Variants in NLRC5 observed in about 807,000 individuals in gnomAD.
NLRC5 encodes NLR family CARD domain containing 5, also known as protein NLRC5.
In NLRC5, 114 loss-of-function variants were observed where a neutral mutation model predicts 206.9. The observed-to-expected ratio is 0.55, with a 90% CI of 0.47 to 0.64. The LOEUF (loss-of-function observed/expected upper bound fraction) is 0.64. Among genes scored for constraint, NLRC5 ranks in the 30% least tolerant of loss-of-function variants. The pLI, the probability that NLRC5 is intolerant of heterozygous loss-of-function variation, is 0.00. For missense variants in NLRC5, 2,008 were observed against 2,305.5 expected, an observed-to-expected ratio of 0.87 and a Z score of 2.64; for synonymous variants, 952 against 962.8, an observed-to-expected ratio of 0.99 and a Z score of 0.21.
At chr16:57,037,497 T>G (rs776339228) in intron 15 of NLRC5, among the ~76,000 whole-genome samples, 1 of 152,052 alleles carries the variant, frequency 6.6e-6, no homozygotes, top group African/African-American at 2.4e-5. Flanking sequence ...CCTTGGCTGA[T>G]AAGAACCAGA....
At chr16:57,016,682 T>TG (rs1354077236) in intron 1 of NLRC5, among the ~76,000 whole-genome samples, 1 of 152,204 alleles carries the variant, frequency 6.6e-6, no homozygotes, top group Non-Finnish European at 1.5e-5. Context: ...GGTTTTATAT[T>TG]GGGGGCAAAA....
chr16:57,046,404 T>A, intron 21 of NLRC5, 148 bp from the exon 22 acceptor site: 1 of 627,704 alleles, frequency 1.6e-6, no homozygotes. Flanking sequence ...TGAGATGCCT[T>A]CCAGCCCTGA....
At chr16:56,993,034 T>C (rs1220602963) in intron 1 of NLRC5, among the ~76,000 whole-genome samples, 6 of 151,988 alleles carry the variant, frequency 3.9e-5, no homozygotes, top group African/African-American at 1.5e-4. Context: ...ACCAATGTTA[T>C]CAGGTTCTTG....
intron 17 of NLRC5, 69 bp from the exon 18 acceptor site, chr16:57,041,416 G>A (rs1325544423): frequency 2.3e-6 from 3 of 1,313,002 alleles, no homozygotes; most frequent in Admixed American, 3.6e-5. Flanking sequence ...TGTCTGGGGG[G>A]TGGGAAAGCG....
chr16:57,082,145 G>A (rs951092187), intron 48 of NLRC5, among the ~76,000 whole-genome samples: 2 of 152,242 alleles, frequency 1.3e-5, no homozygotes, highest in African/African-American at 2.4e-5. Flanking sequence ...CTTGAAGAAA[G>A]AGGGTCTTTT....
At position 57,026,130 on chromosome 16, in the gene NLRC5, A is replaced by G; in HGVS notation, c.1187A>G (p.Asn396Ser). 6.2e-7 allele frequency: 1 copy of G among 1,614,070 alleles called. No homozygotes were observed. The highest frequency in any genetic ancestry group is 1.3e-5 in the African/African-American group (1 of 75,050). ...GGGGCCCTGGTGGAGTTACAGACAAATGGACGTCTCCGAAGCCTGTGTGCG... is the reference window on the plus strand; with the variant it reads ...GGGGCCCTGGTGGAGTTACAGACAAGTGGACGTCTCCGAAGCCTGTGTGCG... ...REGALVELQTNGRLRSLCAVP... is the reference protein window; with the variant it reads ...REGALVELQTSGRLRSLCAVP... Residue 396 changes from asparagine (N) to serine (S), a missense_variant, in exon 6 of 49, where the codon AAT becomes AGT. Physicochemically the swap from Asn to Ser is conservative, Grantham distance 46. Coordinates refer to ENST00000688547, the MANE Select transcript of NLRC5 (RefSeq NM_001384950.1).
intron 43 of NLRC5, among the ~76,000 whole-genome samples, chr16:57,078,436 G>A (rs930342504): frequency 1.3e-5 from 2 of 149,376 alleles, no homozygotes; most frequent in Non-Finnish European, 3.0e-5. Flanking sequence ...CCCCATGGCA[G>A]CCCCCAGAGT....
At chr16:57,044,154 A>AG (rs202065021) in intron 20 of NLRC5, among the ~76,000 whole-genome samples, 6,126 of 151,442 alleles carry the variant, frequency 0.04, 135 homozygotes, top group Middle Eastern at 0.088. Flanking sequence ...CCAAAAAAAA[A>AG]AAAAAAAGTA....
intron 19 of NLRC5, among the ~76,000 whole-genome samples, chr16:57,043,219 G>A (rs78053218): frequency 1.3e-5 from 2 of 152,106 alleles, no homozygotes; most frequent in Admixed American, 1.3e-4. Flanking sequence ...AGGAGGCCCA[G>A]CTCCAGCCAG....
intron 47 of NLRC5, 86 bp from the exon 48 acceptor site, chr16:57,081,441 G>A (rs2069130957): frequency 2.3e-6 from 3 of 1,288,596 alleles, no homozygotes. Flanking sequence ...CCCTGACCTT[G>A]GCCTGAGGAA....
intron 1 of NLRC5, among the ~76,000 whole-genome samples, chr16:57,011,016 A>G (rs1434357620): frequency 9.9e-5 from 15 of 152,166 alleles, no homozygotes; most frequent in African/African-American, 3.4e-4. Flanking sequence ...CCCTCCTCAG[A>G]CACAAGCCTG....
At chr16:57,006,121 T>C (rs767734852) in intron 1 of NLRC5, among the ~76,000 whole-genome samples, 1 of 150,128 alleles carries the variant, frequency 6.7e-6, no homozygotes, top group Non-Finnish European at 1.5e-5. Context: ...ACCTCAACCT[T>C]GCGGGTAGCT....
At position 57,058,968 on chromosome 16, in the gene NLRC5, C is replaced by A. The variant is rs774458806; in HGVS notation, c.3831-4C>A. On this transcript the variant is annotated splice_polypyrimidine_tract_variant and splice_region_variant and intron_variant, in intron 28 of 48. Transcript: ENST00000688547. ...TCCCATTCTCATCTCCATTTCCCTT[C>A]TAGTCTGAGTCACAACAGCATTTCT... The A allele has an allele frequency of 1.2e-6, 2 of 1,613,814 alleles. No homozygotes were observed. Among genetic ancestry groups the A allele is most frequent in the South Asian group, 2.2e-5 (2 of 91,080 alleles).
rs1476961580 is a variant in NLRC5, at chr16:57,028,114, C to T, written c.2118C>T (p.Leu706=). Residue 706 remains leucine (L), a synonymous_variant, in exon 7 of 49, where the codon CTC becomes CTT. Transcript: ENST00000688547. ...GTGGGGATGCCTTTGCAGAAGCCCT[C>T]TCCAGGAGCTTGCCGACAATGGGGA... ...RKCGDAFAEA[L]SRSLPTMGRL... is the part of the protein sequence containing the mutation. 3 of 1,613,832 alleles carry T rather than the reference C, an allele frequency of 1.9e-6. No individual in the cohort carries two copies. Among genetic ancestry groups the T allele is most frequent in the East Asian group, 4.5e-5 (2 of 44,862 alleles).
chr16:57,058,278 C>A (rs529069899), intron 28 of NLRC5, 130 bp downstream of exon 28: 2 of 727,034 alleles, frequency 2.8e-6, no homozygotes, highest in South Asian at 3.4e-5. Context: ...GGGCAAGGGG[C>A]AATTCTTCCC....
intron 33 of NLRC5, 32 bp from the exon 34 acceptor site, chr16:57,066,502 C>T (rs535265175): frequency 2.2e-5 from 35 of 1,607,868 alleles, no homozygotes; most frequent in Middle Eastern, 1.7e-4. Flanking sequence ...GAAGGCTGCC[C>T]GACCTCACGT....
At chr16:57,077,897 G>C (rs140743967) in intron 42 of NLRC5, 46 bp from the exon 43 acceptor site, 1 of 1,609,130 alleles carries the variant, frequency 6.2e-7, no homozygotes, top group South Asian at 1.1e-5. Context: ...CGGGGGTCCC[G>C]AGTGGGCAGG....
At position 57,026,552 on chromosome 16, in the gene NLRC5, C is replaced by T. The variant is rs748612273; in HGVS notation, c.1609C>T (p.Leu537Phe). 3.7e-6 allele frequency: 6 copies of T among 1,614,220 alleles called. No individual in the cohort carries two copies. Among genetic ancestry groups the T allele is most frequent in the Admixed American group, 1.7e-5 (1 of 60,028 alleles). ...CAGCCCCAAGGTGAACAAAGACACA[C>T]TTACCCAGTATGTTACCCTCCATTC... ...MASPKVNKDTLTQYVTLHSRW... is the reference protein window; with the variant it reads ...MASPKVNKDTFTQYVTLHSRW... Residue 537 changes from leucine to phenylalanine, a missense_variant, in exon 6 of 49, where the codon CTT (leucine) becomes TTT (phenylalanine). Transcript: ENST00000688547.
At position 57,033,631 on chromosome 16, in the gene NLRC5, C is replaced by A. The variant is rs2062136233; in HGVS notation, c.2505C>A (p.Gly835=). The part of the protein sequence containing the change: ...QRAPDLQESD[G]QRKGAQSRSL... Reference sequence around the variant, plus strand: ...CTCCAGACCTGCAGGAAAGTGACGGCCAGAGGAAAGGGGCTCAGAGCAGAA... The same window carrying A: ...CTCCAGACCTGCAGGAAAGTGACGGACAGAGGAAAGGGGCTCAGAGCAGAA... The change falls in exon 12 of 49, where the codon GGC becomes GGA. Residue 835 remains glycine, a synonymous_variant. Coordinates refer to ENST00000688547, the MANE Select transcript of NLRC5 (RefSeq NM_001384950.1). 1 of 1,614,072 alleles carries A rather than the reference C, an allele frequency of 6.2e-7. No individual in the cohort carries two copies. Among genetic ancestry groups the A allele is most frequent in the Non-Finnish European group, 8.5e-7 (1 of 1,180,008 alleles).
Sources: gnomAD v4.1 joint callset for allele counts (sites outside exome capture counted in the v4.1 genomes callset) on GRCh38, gnomAD v4.1.1 for gene constraint, MANE v1.5 for transcripts, NCBI Gene and HGNC (gene_info 2026-07-23, HGNC 2026-07-21) for gene names.